Variants in RASD2 observed in about 807,000 individuals in gnomAD.
The protein encoded by RASD2 is RASD family member 2.
In RASD2, 7 loss-of-function variants were observed where a neutral mutation model predicts 15.8. The observed-to-expected ratio is 0.44, with a 90% confidence interval of 0.25 to 0.83. The LOEUF is 0.83. RASD2 is among the 40% of genes least tolerant of loss of function. The pLI, the probability that RASD2 is intolerant of heterozygous loss-of-function variation, is 0.20. For synonymous variants in RASD2, 155 were observed against 153.6 expected (o/e 1.01, Z -0.07); for missense variants, 274 against 382.8 (o/e 0.72, Z 2.37).
chr22:35,549,328 A>G (rs1292260681), intron 2 of RASD2, among the ~76,000 whole-genome samples: 6 of 151,532 alleles, frequency 4.0e-5, no homozygotes, highest in African/African-American at 1.5e-4. Flanking sequence ...TTTTTTTTTC[A>G]CACACCAACC....
At chr22:35,548,540 A>AC (rs1934573828) in intron 2 of RASD2, among the ~76,000 whole-genome samples, 1 of 151,728 alleles carries the variant, frequency 6.6e-6, no homozygotes, top group South Asian at 2.1e-4. Flanking sequence ...CATTCAGATA[A>AC]CCCCCCAACT....
At chr22:35,535,898 C>T (rs990950656), upstream of RASD2, among the ~76,000 whole-genome samples, 22 of 106,726 alleles carry the variant, frequency 2.1e-4, no homozygotes, top group Non-Finnish European at 3.6e-4. Context: ...CTTGGATCAT[C>T]GGGCTCAGTG....
At chr22:35,538,621 C>T (rs941862314), upstream of RASD2, among the ~76,000 whole-genome samples, 2 of 152,216 alleles carry the variant, frequency 1.3e-5, no homozygotes, top group Admixed American at 1.3e-4. Flanking sequence ...GCAAGTGGAC[C>T]TCCCAGGGTT....
intron 2 of RASD2, among the ~76,000 whole-genome samples, chr22:35,550,107 C>CA (rs555074185): frequency 1.3e-5 from 2 of 151,948 alleles, no homozygotes; most frequent in African/African-American, 2.4e-5. Flanking sequence ...CTAAAAAATA[C>CA]AAAAAATTAG....
chr22:35,541,649 T>A (rs1224584842), intron 1 of RASD2, 149 bp downstream of exon 1: 1 of 152,252 alleles, frequency 6.6e-6, no homozygotes, highest in African/African-American at 2.4e-5. Context: ...GCCGGGATCG[T>A]CTGGCAACTT....
At chr22:35,544,353 C>G (rs1333281549) in intron 1 of RASD2, among the ~76,000 whole-genome samples, 1 of 152,198 alleles carries the variant, frequency 6.6e-6, no homozygotes, top group East Asian at 1.9e-4. Context: ...TGGCAGCCCC[C>G]TCTCCACCCT....
intron 2 of RASD2, among the ~76,000 whole-genome samples, chr22:35,548,693 C>G (rs1934578129): frequency 6.6e-6 from 1 of 152,350 alleles, no homozygotes; most frequent in Non-Finnish European, 1.5e-5. Flanking sequence ...AGACAGCAGT[C>G]AAGTTCTCCG....
upstream of RASD2, among the ~76,000 whole-genome samples, chr22:35,539,861 C>G (rs73419190): frequency 0.024 from 3,591 of 152,292 alleles, 153 homozygotes; most frequent in African/African-American, 0.077. Context: ...TGGCCTAGGT[C>G]AAGCCCCTCA....
rs973441323 is a variant in RASD2, at chr22:35,541,262, C to T, written c.-248C>T. ...GGCGAGCCGGAGCCCGCCCCCTGCC[C>T]GGGCCCCGCCGAGCCCTCGGAGCCC... is the stretch of plus-strand genomic sequence containing the variant. On this transcript the variant is annotated 5_prime_UTR_variant, in exon 1 of 3. Coordinates refer to ENST00000216127, the MANE Select transcript of RASD2 (RefSeq NM_014310.4). 3 of 151,826 alleles carry T rather than the reference C, an allele frequency of 2.0e-5. No individual in the cohort carries two copies. The highest frequency in any genetic ancestry group is 4.4e-5 in the Non-Finnish European group (3 of 67,932). The allele number at this position is 151,826 out of a possible 1,614,324, so 9.4% of individuals were successfully genotyped here.
intron 2 of RASD2, 149 bp downstream of exon 2, chr22:35,547,229 A>C: frequency 8.9e-7 from 1 of 1,117,810 alleles, no homozygotes; most frequent in Non-Finnish European, 1.2e-6. Flanking sequence ...AGGTTTTGCC[A>C]TGTGCTGGAA....
At position 35,551,438 on chromosome 22, in the gene RASD2, TG is replaced by T; in HGVS notation, c.272-63del. 6.6e-7 allele frequency: 1 copy of T among 1,519,678 alleles called. No individual in the cohort carries two copies. Among genetic ancestry groups the T allele is most frequent in the South Asian group, 1.2e-5 (1 of 80,678 alleles). 94.1% of individuals were successfully genotyped at this position (1,519,678 alleles called of 1,614,324 possible). ...CCCAGCTCTTAGGGCTGATGTTCTG[TG>T]GCCAGAGGAGGGCAGGGGTTGCAGC... On this transcript the variant is annotated intron_variant, in intron 2 of 2. Transcript: ENST00000216127. This position sits in a 1 kb window ranked among gnomAD's most constrained non-coding sequence, Gnocchi z 4.9.
chr22:35,542,689 A>C (rs1363608065), intron 1 of RASD2, among the ~76,000 whole-genome samples: 1 of 152,206 alleles, frequency 6.6e-6, no homozygotes, highest in Non-Finnish European at 1.5e-5. Context: ...GGGGCAGTGC[A>C]GTGAAACAGG....
chr22:35,546,790 C>A lies in RASD2; in HGVS notation c.-9-11C>A. On this transcript the variant is annotated splice_polypyrimidine_tract_variant and intron_variant, in intron 1 of 2. Coordinates refer to ENST00000216127, the MANE Select transcript of RASD2 (RefSeq NM_014310.4). ...GGGGCCCTGATGCCTGCTTCTCTCG[C>A]TTTGTTGCAGCCCCGAGCCATGATG... 6.2e-7 allele frequency: 1 copy of A among 1,610,174 alleles called. No homozygotes were observed. The highest frequency in any genetic ancestry group is 8.5e-7 in the Non-Finnish European group (1 of 1,177,814).
At chr22:35,548,774 G>A (rs1021748980) in intron 2 of RASD2, among the ~76,000 whole-genome samples, 3 of 152,206 alleles carry the variant, frequency 2.0e-5, no homozygotes, top group Non-Finnish European at 2.9e-5. Flanking sequence ...TCGAATCCTT[G>A]CTGGGCCTCT....
upstream of RASD2, among the ~76,000 whole-genome samples, chr22:35,538,994 C>A (rs1215390818): frequency 6.6e-6 from 1 of 152,232 alleles, no homozygotes; most frequent in Non-Finnish European, 1.5e-5. Context: ...TGACTTTGGG[C>A]ACATCCCCTT....
chr22:35,546,566 C>A (rs114677323), intron 1 of RASD2, among the ~76,000 whole-genome samples: 2,648 of 152,156 alleles, frequency 0.017, 77 homozygotes, highest in African/African-American at 0.061. Context: ...CCGGTGCTTG[C>A]ATAAATGAAA....
chr22:35,540,242 G>A (rs1934306508), upstream of RASD2, among the ~76,000 whole-genome samples: 2 of 152,032 alleles, frequency 1.3e-5, no homozygotes, highest in African/African-American at 4.8e-5. Context: ...GTCACCTGCG[G>A]CCAGGCCGGG....
upstream of RASD2, among the ~76,000 whole-genome samples, chr22:35,536,400 A>T (rs144825409): frequency 9.5e-3 from 1,412 of 148,562 alleles, 22 homozygotes; most frequent in African/African-American, 0.033. Flanking sequence ...ATCTTGGCTC[A>T]CTGCAAGCTC....
At chr22:35,533,697 ATGATGGTGATGATGG>A in the RASD2 span, among the ~76,000 whole-genome samples, 1 of 137,858 alleles carries the variant, frequency 7.3e-6, no homozygotes, top group African/African-American at 2.9e-5. Context: ...GATGACAGTG[ATGATGGTGATGATGG>A]TGATGGTGAT....
Sources: gnomAD v4.1 joint callset for allele counts (sites outside exome capture counted in the v4.1 genomes callset) on GRCh38, gnomAD v4.1.1 for gene constraint, Gnocchi (gnomAD v3.1) non-coding constraint, MANE v1.5 for transcripts, NCBI Gene and HGNC (gene_info 2026-07-23, HGNC 2026-07-21) for gene names.